The following RAD51B variants were observed in gnomAD, a reference collection of about 807,000 sequenced individuals.
The protein encoded by RAD51B is RAD51 paralog B, also known as DNA repair protein RAD51 homolog 2.
A neutral mutation model predicts 42.2 loss-of-function variants in RAD51B; 38 were observed. The ratio of observed to expected loss-of-function variants is 0.90; its 90% CI spans 0.70 to 1.18. The LOEUF is 1.18. RAD51B is among the 50% of genes most tolerant of loss of function. The pLI is 0.00. For missense variants in RAD51B, 373 were observed against 400.7 expected, an observed-to-expected ratio of 0.93 and a Z score of 0.59; for synonymous variants, 154 against 145.2, an observed-to-expected ratio of 1.06 and a Z score of -0.43.
At chr14:68,681,769 TC>T in intron 11 of RAD51B, among the ~76,000 whole-genome samples, 1 of 152,300 alleles carries the variant, frequency 6.6e-6, no homozygotes, top group East Asian at 1.9e-4. Context: ...TCAGCCTCTC[TC>T]CTCTGTTGAA....
chr14:68,409,312 G>C (rs560289235), intron 8 of RAD51B, among the ~76,000 whole-genome samples: 2 of 152,152 alleles, frequency 1.3e-5, no homozygotes, highest in Non-Finnish European at 2.9e-5. Context: ...AGACTGAGAG[G>C]GTTGTGAATT....
chr14:67,922,514 TTTGTTG>T, intron 7 of RAD51B, among the ~76,000 whole-genome samples: 1 of 152,136 alleles, frequency 6.6e-6, no homozygotes, highest in Non-Finnish European at 1.5e-5. Flanking sequence ...TACCTTTCTT[TTTGTTG>T]TTGTTGTTGC....
At chr14:68,388,109 T>A (rs1335060606) in intron 8 of RAD51B, among the ~76,000 whole-genome samples, 2 of 143,794 alleles carry the variant, frequency 1.4e-5, no homozygotes, top group Non-Finnish European at 3.0e-5. Flanking sequence ...TTTTTTTTTT[T>A]AATTGAGGCA....
chr14:68,125,610 T>G (rs1162968660), intron 7 of RAD51B, among the ~76,000 whole-genome samples: 1 of 152,126 alleles, frequency 6.6e-6, no homozygotes, highest in Non-Finnish European at 1.5e-5. Context: ...CATATTCAGG[T>G]TTGTAGAAAA....
At chr14:68,363,423 T>C (rs1264879715) in intron 8 of RAD51B, among the ~76,000 whole-genome samples, 2 of 152,192 alleles carry the variant, frequency 1.3e-5, no homozygotes, top group Non-Finnish European at 2.9e-5. Flanking sequence ...GATATATCTG[T>C]TAATATATCA....
chr14:67,840,178 T>A (rs1309964316), intron 4 of RAD51B, among the ~76,000 whole-genome samples: 1 of 152,206 alleles, frequency 6.6e-6, no homozygotes, highest in Non-Finnish European at 1.5e-5. Flanking sequence ...GTTTGTTACA[T>A]TGGTATATTG....
intron 7 of RAD51B, among the ~76,000 whole-genome samples, chr14:67,904,580 G>A (rs1312763547): frequency 6.8e-6 from 1 of 147,482 alleles, no homozygotes. Flanking sequence ...GTGCGATCTC[G>A]GCTCACTGCA....
chr14:68,406,120 T>A (rs1468130127), intron 8 of RAD51B, among the ~76,000 whole-genome samples: 3 of 152,188 alleles, frequency 2.0e-5, no homozygotes, highest in Admixed American at 6.5e-5. Flanking sequence ...ATTATAAGCA[T>A]CCTCTGTGTC....
At chr14:68,342,386 G>C (rs905340182) in intron 8 of RAD51B, among the ~76,000 whole-genome samples, 1 of 152,192 alleles carries the variant, frequency 6.6e-6, no homozygotes, top group Non-Finnish European at 1.5e-5. Context: ...CTTCTTCACT[G>C]TTCCTCCTTA....
At chr14:68,351,619 AGATGTC>A in intron 8 of RAD51B, among the ~76,000 whole-genome samples, 2 of 152,276 alleles carry the variant, frequency 1.3e-5, no homozygotes, top group Middle Eastern at 6.8e-3. Context: ...TTTACTGGAG[AGATGTC>A]CTGCCACCTG....
At chr14:68,508,210 C>T (rs534902784) in intron 10 of RAD51B, among the ~76,000 whole-genome samples, 1 of 152,174 alleles carries the variant, frequency 6.6e-6, no homozygotes, top group East Asian at 1.9e-4. Flanking sequence ...TATACTTGGT[C>T]CCTGCTTGGT....
In RAD51B at chr14:68,154,237, G is replaced by A. The variant is rs191595470; in HGVS notation, c.757-137647G>A. Among the ~76,000 whole-genome samples, 338 of 152,188 alleles carry A rather than the reference G, an allele frequency of 2.2e-3. 3 individuals carry two copies. The highest frequency in any genetic ancestry group is 7.6e-3 in the African/African-American group (315 of 41,544). On this transcript the variant is annotated intron_variant, in intron 7 of 10. Transcript: ENST00000471583. ...GTTTTGGGATGCAGTTAAGTTACTT[G>A]GAAACACATCCTTTTGGATCTTGCT...
chr14:67,934,307 AAAGG>A (rs908253931), intron 7 of RAD51B, among the ~76,000 whole-genome samples: 1 of 152,190 alleles, frequency 6.6e-6, no homozygotes, highest in African/African-American at 2.4e-5. Context: ...AATAGGAGAG[AAAGG>A]AAGAGATAAA....
intron 8 of RAD51B, among the ~76,000 whole-genome samples, chr14:68,359,722 A>G (rs2082982019): frequency 6.6e-6 from 1 of 152,170 alleles, no homozygotes; most frequent in Non-Finnish European, 1.5e-5. Context: ...AACGTTGCTG[A>G]AAGTTGTGTG....
At chr14:68,480,846 A>G (rs1310743946), downstream of RAD51B, among the ~76,000 whole-genome samples, 2 of 152,030 alleles carry the variant, frequency 1.3e-5, no homozygotes, top group Non-Finnish European at 2.9e-5. Flanking sequence ...GAGTTCCCCA[A>G]CCAACTTCAG....
intron 7 of RAD51B, among the ~76,000 whole-genome samples, chr14:68,252,424 G>A (rs933216737): frequency 6.6e-6 from 1 of 152,088 alleles, no homozygotes; most frequent in African/African-American, 2.4e-5. Flanking sequence ...TTATATTCTG[G>A]AGATTCAATA....
At chr14:68,191,198 C>T (rs1244789593) in intron 7 of RAD51B, among the ~76,000 whole-genome samples, 2 of 152,096 alleles carry the variant, frequency 1.3e-5, no homozygotes, top group African/African-American at 4.8e-5. Context: ...AGTATTCATG[C>T]TTGGAAACCC....
At chr14:68,360,662 C>G (rs1057134637) in intron 8 of RAD51B, among the ~76,000 whole-genome samples, 3 of 152,246 alleles carry the variant, frequency 2.0e-5, no homozygotes, top group African/African-American at 7.2e-5. Context: ...TACCTTTCCT[C>G]ACTCATCATG....
intron 10 of RAD51B, among the ~76,000 whole-genome samples, chr14:68,622,523 C>A (rs1891972018): frequency 6.6e-6 from 1 of 152,010 alleles, no homozygotes; most frequent in South Asian, 2.1e-4. Context: ...GAGGTGATGG[C>A]ATTTAAATTA....
Sources: gnomAD v4.1 joint callset for allele counts (sites outside exome capture counted in the v4.1 genomes callset) on GRCh38, gnomAD v4.1.1 for gene constraint, MANE v1.5 for transcripts, NCBI Gene and HGNC (gene_info 2026-07-23, HGNC 2026-07-21) for gene names.